TWIST2: variants seen among roughly 807,000 people sequenced by gnomAD.
The protein encoded by TWIST2 is twist-related protein 2.
Under a neutral mutation model 11.6 loss-of-function variants are expected in TWIST2, and 1 was observed. That is an observed-to-expected ratio of 0.09 (90% CI 0.03 to 0.41). The LOEUF (loss-of-function observed/expected upper bound fraction) is 0.41, where lower values mean the gene tolerates loss of function less well. Among genes scored for constraint, TWIST2 ranks in the 10% least tolerant of loss-of-function variants. The pLI is 0.98. For missense variants in TWIST2, 168 were observed against 226.4 expected (o/e 0.74, Z 1.66); for synonymous variants, 87 against 96.6 (o/e 0.90, Z 0.58).
intron 1 of TWIST2, among the ~76,000 whole-genome samples, chr2:238,904,262 ATG>A (rs1478576474): frequency 2.0e-5 from 2 of 101,382 alleles, no homozygotes; most frequent in Admixed American, 2.2e-4. Context: ...TATGTGCATA[ATG>A]TGAGGTGTGT....
intron 1 of TWIST2, among the ~76,000 whole-genome samples, chr2:238,873,616 C>T (rs1360001520): frequency 6.6e-6 from 1 of 152,114 alleles, no homozygotes; most frequent in Admixed American, 6.5e-5. Flanking sequence ...ACACCGTGCA[C>T]AAGGAATACA....
rs748304710 is a variant in TWIST2, at chr2:238,848,709, C to A, written c.*11C>A. The A allele has an allele frequency of 2.0e-6, 3 of 1,498,724 alleles. No homozygotes were observed. The highest frequency in any genetic ancestry group is 2.7e-6 in the Non-Finnish European group (3 of 1,125,176). The allele number at this position is 1,498,724 out of a possible 1,614,324, so 92.8% of individuals were successfully genotyped here. ...TCCGCCTCCCACTAGCGCCGCGCCA[C>A]CCACCTCCGGACCGGCGCGCCAGGG... is the stretch of plus-strand genomic sequence containing the variant. On this transcript the variant is annotated 3_prime_UTR_variant, in exon 1 of 2. Coordinates refer to ENST00000612363, the MANE Select transcript of TWIST2 (RefSeq NM_001271893.4).
intron 1 of TWIST2, among the ~76,000 whole-genome samples, chr2:238,880,087 A>ATTAG (rs1256067578): frequency 6.6e-6 from 1 of 151,952 alleles, no homozygotes; most frequent in African/African-American, 2.4e-5. Context: ...GTTAGTTTTG[A>ATTAG]TATTAGTGTT....
chr2:238,899,577 G>A (rs1399630880), intron 1 of TWIST2, among the ~76,000 whole-genome samples: 1 of 152,158 alleles, frequency 6.6e-6, no homozygotes, highest in Non-Finnish European at 1.5e-5. Flanking sequence ...GTCTCAGGGA[G>A]AGCTCAGGAA....
chr2:238,852,652 AACAC>A (rs898762111), intron 1 of TWIST2, among the ~76,000 whole-genome samples: 2 of 90,442 alleles, frequency 2.2e-5, no homozygotes, highest in East Asian at 2.4e-4. Flanking sequence ...CATAGCACTA[AACAC>A]ACACACACAC....
intron 1 of TWIST2, among the ~76,000 whole-genome samples, chr2:238,870,181 C>T (rs1692629341): frequency 1.4e-5 from 1 of 73,662 alleles, no homozygotes; most frequent in Non-Finnish European, 2.8e-5. Context: ...ACACCCCACA[C>T]ACACATCACA....
chr2:238,904,613 T>C (rs1340934978), intron 1 of TWIST2, among the ~76,000 whole-genome samples: 1 of 152,056 alleles, frequency 6.6e-6, no homozygotes, highest in Admixed American at 6.5e-5. Flanking sequence ...TGGTAGAGTC[T>C]ACCTGCACTC....
Position 238,877,228 on chromosome 2 carries a change from T to G in TWIST2, c.*35+28495T>G, listed in dbSNP as rs552410046. 5.3e-5 allele frequency among the ~76,000 whole-genome samples: 8 copies of G among 152,236 alleles called. No individual in the cohort carries two copies. The South Asian group carries it at 1.7e-3, about 32-fold the overall frequency. On this transcript the variant is annotated intron_variant, in intron 1 of 1. Transcript: ENST00000612363. ...GCAACAACAAAATCCTAGGTAGCAC[T>G]CAAGTCTTTTGTATAAAAGTCAGCA...
chr2:238,905,316 C>T (rs1313529449), intron 1 of TWIST2, among the ~76,000 whole-genome samples: 1 of 152,172 alleles, frequency 6.6e-6, no homozygotes, highest in Admixed American at 6.5e-5. Flanking sequence ...CAGGCAGATA[C>T]AGGGAGGTAA....
At chr2:238,907,027 A>C (rs1369667208) in intron 1 of TWIST2, among the ~76,000 whole-genome samples, 1 of 152,218 alleles carries the variant, frequency 6.6e-6, no homozygotes, top group Non-Finnish European at 1.5e-5. Flanking sequence ...TGTGGTGAGC[A>C]GTAAAGGTCC....
intron 1 of TWIST2, among the ~76,000 whole-genome samples, chr2:238,908,736 G>A (rs2106376963): frequency 6.6e-6 from 1 of 151,632 alleles, no homozygotes; most frequent in South Asian, 2.1e-4. Flanking sequence ...GTGGGTATGT[G>A]GGGATGTGGT....
At chr2:238,883,646 T>A (rs1433520416) in intron 1 of TWIST2, among the ~76,000 whole-genome samples, 1 of 152,088 alleles carries the variant, frequency 6.6e-6, no homozygotes, top group Non-Finnish European at 1.5e-5. Flanking sequence ...CAGAAGAATT[T>A]TCTAGAAGCC....
intron 1 of TWIST2, among the ~76,000 whole-genome samples, chr2:238,858,884 A>T (rs548876255): frequency 5.3e-5 from 8 of 152,362 alleles, no homozygotes; most frequent in African/African-American, 1.9e-4. Context: ...AGTAAAACGT[A>T]GCCCATTCGT....
chr2:238,868,624 G>C (rs1692587370), intron 1 of TWIST2, among the ~76,000 whole-genome samples: 1 of 152,210 alleles, frequency 6.6e-6, no homozygotes, highest in African/African-American at 2.4e-5. Context: ...ACACCAAGCA[G>C]TCCTGGCTGT....
intron 1 of TWIST2, among the ~76,000 whole-genome samples, chr2:238,879,166 C>T (rs973043210): frequency 6.6e-6 from 1 of 152,230 alleles, no homozygotes; most frequent in African/African-American, 2.4e-5. Flanking sequence ...TGAGCCCCTC[C>T]TGGTGGGGCT....
rs564550310 is a variant in TWIST2, at chr2:238,850,537, G to A, written c.*35+1804G>A. On this transcript the variant is annotated intron_variant, in intron 1 of 1. Coordinates refer to ENST00000612363, the MANE Select transcript of TWIST2 (RefSeq NM_001271893.4). ...TAAGACTGCCCTCCAGAAAATTACT[G>A]AAAACAAATACCAGTAGATATGATG... 3.9e-5 allele frequency among the ~76,000 whole-genome samples: 6 copies of A among 152,282 alleles called. No individual in the cohort carries two copies. The East Asian group carries it at 1.2e-3, about 29-fold the overall frequency.
intron 1 of TWIST2, among the ~76,000 whole-genome samples, chr2:238,853,834 G>A (rs1001897894): frequency 1.3e-5 from 2 of 152,172 alleles, no homozygotes; most frequent in Non-Finnish European, 1.5e-5. Flanking sequence ...GGTATCTGAC[G>A]TGCTTCAGAT....
At position 238,868,067 on chromosome 2, in the gene TWIST2, T is replaced by C. The variant is rs538412121; in HGVS notation, c.*35+19334T>C. Among the ~76,000 whole-genome samples the C allele has an allele frequency of 1.9e-3, 295 of 152,278 alleles. 1 individual carries two copies. The highest frequency in any genetic ancestry group is 6.9e-3 in the African/African-American group (285 of 41,560). ...CCAAGGAACACTGCAGTTAGGAAGG[T>C]GGCTGGCATTCCGGAATTACCTCCC... On this transcript the variant is annotated intron_variant, in intron 1 of 1. Transcript: ENST00000612363.
At chr2:238,881,690 T>C (rs1482132323) in intron 1 of TWIST2, among the ~76,000 whole-genome samples, 1 of 152,134 alleles carries the variant, frequency 6.6e-6, no homozygotes, top group African/African-American at 2.4e-5. Flanking sequence ...GTCTGAGCTG[T>C]CTGCATCCCC....
Sources: allele counts gnomAD v4.1 joint callset (sites outside exome capture counted in the v4.1 genomes callset), GRCh38; gene constraint gnomAD v4.1.1; transcripts MANE v1.5; gene names NCBI Gene and HGNC (gene_info 2026-07-23, HGNC 2026-07-21).